NIPAL4: variants seen among roughly 807,000 people sequenced by gnomAD.
NIPAL4 encodes magnesium transporter NIPA4.
In NIPAL4, 21 loss-of-function variants were observed where a neutral mutation model predicts 31.6. The ratio of observed to expected loss-of-function variants is 0.67; its 90% CI spans 0.47 to 0.96. The LOEUF is 0.96. NIPAL4 is among the 40% of genes least tolerant of loss of function. The probability of loss-of-function intolerance (pLI) is 0.00; values close to 1 mark genes in which losing one functional copy is unlikely to be tolerated. For missense variants in NIPAL4, 438 were observed against 508.0 expected, an observed-to-expected ratio of 0.86 and a Z score of 1.32; for synonymous variants, 175 against 211.1, an observed-to-expected ratio of 0.83 and a Z score of 1.48.
In NIPAL4 at chr5:157,460,258, G is replaced by C; in HGVS notation, c.-63G>C. The C allele has an allele frequency of 3.2e-6, 5 of 1,540,482 alleles. No homozygotes were observed. Among genetic ancestry groups the C allele is most frequent in the Non-Finnish European group, 4.4e-6 (5 of 1,142,932 alleles). ...CGCGGGGGACAAGTCGCGGCCACCT[G>C]CTCCGGAGCTGGGGAGCCCGGGCGC... On this transcript the variant is annotated 5_prime_UTR_variant, in exon 1 of 6. Transcript: ENST00000311946.
At chr5:157,462,994 G>C in intron 1 of NIPAL4, 100 bp from the exon 2 acceptor site, 1 of 1,475,488 alleles carries the variant, frequency 6.8e-7, no homozygotes, top group Non-Finnish European at 9.3e-7. Flanking sequence ...TAGCCCTGCA[G>C]TAGCGGAAGC....
intron 5 of NIPAL4, 77 bp downstream of exon 5, chr5:157,471,894 G>A (rs1754451756): frequency 1.8e-6 from 2 of 1,122,682 alleles, no homozygotes; most frequent in South Asian, 2.7e-5. Flanking sequence ...AGGTCAGGTT[G>A]GGTTCTGACC....
intron 5 of NIPAL4, 118 bp downstream of exon 5, chr5:157,471,935 C>G: frequency 1.3e-6 from 1 of 750,532 alleles, no homozygotes; most frequent in South Asian, 1.6e-5. Context: ...GAGGAGAAGG[C>G]AAGCTAAAGA....
intron 2 of NIPAL4, among the ~76,000 whole-genome samples, chr5:157,464,496 A>C (rs576689609): frequency 6.6e-6 from 1 of 152,334 alleles, no homozygotes; most frequent in East Asian, 1.9e-4. Flanking sequence ...TAGGTGAGTG[A>C]AAGGACAGAA....
intron 2 of NIPAL4, among the ~76,000 whole-genome samples, chr5:157,463,776 T>C (rs1754179143): frequency 6.6e-6 from 1 of 152,178 alleles, no homozygotes. Flanking sequence ...AGCTCCCTTC[T>C]GGGCTGCCAA....
In NIPAL4 at chr5:157,472,477, G is replaced by A. The variant is rs759837547; in HGVS notation, c.732G>A (p.Gly244=). 42 of 1,613,694 alleles carry A rather than the reference G, an allele frequency of 2.6e-5. No individual in the cohort carries two copies. Among genetic ancestry groups the A allele is most frequent in the Non-Finnish European group, 3.5e-5 (41 of 1,179,878 alleles). Residue 244 remains glycine (G), a synonymous_variant, in exon 6 of 6, where the codon GGG becomes GGA. Transcript: ENST00000311946. ...IGAFSVAAVK[G]LGITIKNFFQ... is the part of the protein sequence containing the mutation. ...CCTTCTCTGTGGCTGCTGTCAAGGGGCTGGGCATCACCATCAAGAACTTCT... is the reference window on the plus strand; with the variant it reads ...CCTTCTCTGTGGCTGCTGTCAAGGGACTGGGCATCACCATCAAGAACTTCT...
chr5:157,460,476 C>A, intron 1 of NIPAL4, 119 bp downstream of exon 1: 1 of 1,023,858 alleles, frequency 9.8e-7, no homozygotes, highest in Non-Finnish European at 1.5e-6. Context: ...AGGGGCAGGG[C>A]CAGCACGAGG....
At chr5:157,466,517 G>C (rs1232321106) in intron 2 of NIPAL4, among the ~76,000 whole-genome samples, 3 of 152,214 alleles carry the variant, frequency 2.0e-5, no homozygotes, top group Admixed American at 6.5e-5. Flanking sequence ...AACTATGAAG[G>C]AGGCTGTTGC....
chr5:157,465,736 A>T (rs1198424647), intron 2 of NIPAL4, among the ~76,000 whole-genome samples: 1 of 152,228 alleles, frequency 6.6e-6, no homozygotes, highest in Non-Finnish European at 1.5e-5. Context: ...TCACACCTGT[A>T]ATCCCAGCAC....
At chr5:157,460,432 G>A in intron 1 of NIPAL4, 75 bp downstream of exon 1, 5 of 1,396,980 alleles carry the variant, frequency 3.6e-6, no homozygotes, top group Non-Finnish European at 3.9e-6. Flanking sequence ...GCTCTCCCTC[G>A]CATCCTCTCC....
Position 157,460,296 on chromosome 5 carries a change from C to T in NIPAL4, c.-25C>T, listed in dbSNP as rs1432522143. Reference sequence around the variant, plus strand: ...GGAGCCCGGGCGCCGTCCGCCCGCGCGTCGGTTCGTGTGCCCCGGGCCCCA... The same window carrying T: ...GGAGCCCGGGCGCCGTCCGCCCGCGTGTCGGTTCGTGTGCCCCGGGCCCCA... On this transcript the variant is annotated 5_prime_UTR_variant, in exon 1 of 6. Coordinates refer to ENST00000311946, the MANE Select transcript of NIPAL4 (RefSeq NM_001099287.2). 5.2e-6 allele frequency: 8 copies of T among 1,546,112 alleles called. No homozygotes were observed. Among genetic ancestry groups the T allele is most frequent in the Non-Finnish European group, 7.0e-6 (8 of 1,145,146 alleles).
In NIPAL4 at chr5:157,472,770, T is replaced by C; in HGVS notation, c.1025T>C (p.Leu342Pro). ...ACCATCATCTTGGGCGTGTTCATGC[T>C]GCATGCTTTCAAAGACCTGGACATC... ...FVTIILGVFMLHAFKDLDISC... is the reference protein window; with the variant it reads ...FVTIILGVFMPHAFKDLDISC... Residue 342 changes from leucine to proline, a missense_variant, in exon 6 of 6, where the codon CTG (leucine) becomes CCG (proline). By Grantham distance (98) the Leu-to-Pro change is moderately conservative. Transcript: ENST00000311946. 1 of 1,611,656 alleles carries C rather than the reference T, an allele frequency of 6.2e-7. No individual in the cohort carries two copies. The highest frequency in any genetic ancestry group is 8.5e-7 in the Non-Finnish European group (1 of 1,177,802).
At chr5:157,462,294 C>G (rs1328671461) in intron 1 of NIPAL4, among the ~76,000 whole-genome samples, 1 of 152,148 alleles carries the variant, frequency 6.6e-6, no homozygotes, top group Non-Finnish European at 1.5e-5. Context: ...TCTGATTTTT[C>G]ACCGTAGCCT....
chr5:157,468,670 G>A, intron 3 of NIPAL4, 52 bp from the exon 4 acceptor site: 3 of 996,304 alleles, frequency 3.0e-6, no homozygotes, highest in South Asian at 2.6e-5. Context: ...CGTCTGGAAT[G>A]GAGATGGTGC....
chr5:157,472,760 G>A lies in NIPAL4; in HGVS notation c.1015G>A (p.Val339Met), dbSNP rs1286373432. Residue 339 changes from valine to methionine, a missense_variant, in exon 6 of 6, where the codon GTG becomes ATG. By Grantham distance (21) the Val-to-Met change is conservative. Transcript: ENST00000311946. ...GGGCTTTGTCACCATCATCTTGGGC[G>A]TGTTCATGCTGCATGCTTTCAAAGA... ...LSGFVTIILG[V>M]FMLHAFKDLD... is the part of the protein sequence containing the mutation. The A allele has an allele frequency of 3.8e-5, 61 of 1,612,766 alleles. No individual in the cohort carries two copies. Among genetic ancestry groups the A allele is most frequent in the East Asian group, 1.6e-4 (7 of 44,876 alleles).
Position 157,468,788 on chromosome 5 carries a change from T to C in NIPAL4, c.401T>C (p.Leu134Pro). The change falls in exon 4 of 6, where the codon CTG becomes CCG. Residue 134 changes from leucine (L) to proline (P), a missense_variant. Transcript: ENST00000311946. Reference protein sequence around the residue: ...AFAPATVVTPLGALSVLISAI... With the variant: ...AFAPATVVTPPGALSVLISAI... ...GCACCTGCAACAGTCGTCACGCCTC[T>C]GGGAGCGCTGAGTGTCCTCATAAGG... 1 of 1,609,194 alleles carries C rather than the reference T, an allele frequency of 6.2e-7. No homozygotes were observed. The highest frequency in any genetic ancestry group is 8.5e-7 in the Non-Finnish European group (1 of 1,176,946).
chr5:157,465,561 C>T (rs1386581824), intron 2 of NIPAL4, among the ~76,000 whole-genome samples: 2 of 152,118 alleles, frequency 1.3e-5, no homozygotes, highest in African/African-American at 2.4e-5. Context: ...GTATTGACTA[C>T]GTGCCAGGTC....
chr5:157,472,642 C>CGTAGAT lies in NIPAL4; in HGVS notation c.899_900insAGATGT (p.Val300_Phe301insAspVal). On this transcript the variant is annotated inframe_insertion, in exon 6 of 6. Transcript: ENST00000311946. ...CTTCCCTGGTGTTCCCCATCTACTA[C>CGTAGAT]GTGTTCTTCACCACGGTGGTCGTTA... is the stretch of plus-strand genomic sequence containing the variant. The CGTAGAT allele has an allele frequency of 6.2e-7, 1 of 1,613,996 alleles. No homozygotes were observed. Among genetic ancestry groups the CGTAGAT allele is most frequent in the Non-Finnish European group, 8.5e-7 (1 of 1,179,878 alleles).
At chr5:157,466,600 T>C (rs1198650119) in intron 2 of NIPAL4, among the ~76,000 whole-genome samples, 1 of 152,132 alleles carries the variant, frequency 6.6e-6, no homozygotes, top group African/African-American at 2.4e-5. Flanking sequence ...CGAGATCTTT[T>C]TGGAGACAGA....
Sources: allele counts gnomAD v4.1 joint callset (sites outside exome capture counted in the v4.1 genomes callset), GRCh38; gene constraint gnomAD v4.1.1; transcripts MANE v1.5; gene names NCBI Gene and HGNC (gene_info 2026-07-23, HGNC 2026-07-21).